The following ZNF518A variants were observed in gnomAD, a reference collection of about 807,000 sequenced individuals.
ZNF518A encodes the protein zinc finger protein 518.
ZNF518A carries 47 observed loss-of-function variants against 102.7 expected under a neutral mutation model. That is an observed-to-expected ratio of 0.46 (90% CI 0.36 to 0.58). The LOEUF (loss-of-function observed/expected upper bound fraction) is 0.58, where lower values mean the gene tolerates loss of function less well. Ranked by LOEUF, ZNF518A falls within the 20% of genes least tolerant of loss-of-function variation. ZNF518A has a pLI of 0.00. For synonymous variants in ZNF518A, 652 were observed against 594.6 expected, an observed-to-expected ratio of 1.10 and a Z score of -1.40; for missense variants, 1,793 against 1,699.8, an observed-to-expected ratio of 1.05 and a Z score of -0.96.
Position 96,160,258 on chromosome 10 carries a change from T to G in ZNF518A, c.3936T>G (p.Phe1312Leu). The change falls in exon 6 of 6, where the codon TTT becomes TTG. Residue 1312 changes from phenylalanine to leucine, a missense_variant. This residue lies in a region of ZNF518A where 1,741 missense variants were observed against 1,622.6 expected (regional missense o/e 1.07). Coordinates refer to ENST00000316045, the MANE Select transcript of ZNF518A (RefSeq NM_001330736.2). ...KAKPEDVRETFGFSRPRLSKD... is the reference protein window; with the variant it reads ...KAKPEDVRETLGFSRPRLSKD... ...AACCTGAAGATGTCCGTGAAACATT[T>G]GGATTTAGCAGACCTAGGCTTTCAA... 6.2e-7 allele frequency: 1 copy of G among 1,613,558 alleles called. No individual in the cohort carries two copies. Among genetic ancestry groups the G allele is most frequent in the Non-Finnish European group, 8.5e-7 (1 of 1,179,674 alleles).
At position 96,156,959 on chromosome 10, in the gene ZNF518A, A is replaced by G; in HGVS notation, c.637A>G (p.Lys213Glu). ...VNGNFQCEKC[K>E]FSTQDVGTFV... ...TGGTAATTTTCAATGTGAAAAGTGTAAGTTCTCCACCCAGGATGTTGGCAC... is the reference window on the plus strand; with the variant it reads ...TGGTAATTTTCAATGTGAAAAGTGTGAGTTCTCCACCCAGGATGTTGGCAC... Residue 213 changes from lysine (K) to glutamate (E), a missense_variant, in exon 6 of 6, where the codon AAG becomes GAG. Coordinates refer to ENST00000316045, the MANE Select transcript of ZNF518A (RefSeq NM_001330736.2). 6.2e-7 allele frequency: 1 copy of G among 1,613,936 alleles called. No individual in the cohort carries two copies. Among genetic ancestry groups the G allele is most frequent in the Non-Finnish European group, 8.5e-7 (1 of 1,179,816 alleles).
chr10:96,137,972 A>G (rs903747512), intron 3 of ZNF518A, among the ~76,000 whole-genome samples: 1 of 152,036 alleles, frequency 6.6e-6, no homozygotes, highest in Non-Finnish European at 1.5e-5. Context: ...GTGAATAGCA[A>G]CTCAGTTCTT....
intron 3 of ZNF518A, among the ~76,000 whole-genome samples, chr10:96,136,582 A>G (rs1011456981): frequency 1.4e-4 from 22 of 151,920 alleles, no homozygotes; most frequent in African/African-American, 5.3e-4. Context: ...CACATTGAGC[A>G]GCTGAGCTGG....
At chr10:96,175,673 A>G (rs587623072) in intron 1 of ZNF518A, among the ~76,000 whole-genome samples, 2 of 152,240 alleles carry the variant, frequency 1.3e-5, no homozygotes, top group East Asian at 3.9e-4. Context: ...CAGTCAGCCA[A>G]CCCAATGGGT....
chr10:96,191,235 C>CTTTTT (rs34920263), intron 1 of ZNF518A, among the ~76,000 whole-genome samples: 24 of 130,252 alleles, frequency 1.8e-4, no homozygotes, highest in East Asian at 1.8e-3. Flanking sequence ...CATTAAACCT[C>CTTTTT]TTTTTTTTTT....
In ZNF518A at chr10:96,162,846, A is replaced by G. The variant is rs988707822; in HGVS notation, c.*2072A>G. 7 of 166,982 alleles carry G rather than the reference A, an allele frequency of 4.2e-5. No homozygotes were observed. Among genetic ancestry groups the G allele is most frequent in the Admixed American group, 6.6e-5 (1 of 15,266 alleles). The allele number at this position is 166,982 out of a possible 1,614,324, so 10.3% of individuals were successfully genotyped here. ...TGCTAGTTAACTCTACAAGATAGAT[A>G]AAAGTGTGGGATTTTTTTTCTTCCC... On this transcript the variant is annotated 3_prime_UTR_variant, in exon 6 of 6. Coordinates refer to ENST00000316045, the MANE Select transcript of ZNF518A (RefSeq NM_001330736.2).
chr10:96,198,338 CA>C (rs587651341), intron 1 of ZNF518A, among the ~76,000 whole-genome samples: 84 of 152,274 alleles, frequency 5.5e-4, no homozygotes, highest in African/African-American at 1.7e-3. Context: ...AATAAGGGAA[CA>C]GAACAACCCT....
At chr10:96,202,389 A>G (rs1241497267) in intron 1 of ZNF518A, among the ~76,000 whole-genome samples, 3 of 152,178 alleles carry the variant, frequency 2.0e-5, no homozygotes, top group African/African-American at 7.2e-5. Context: ...CAGTGGAAGC[A>G]GTGAGAGTGG....
In ZNF518A at chr10:96,158,415, C is replaced by T. The variant is rs1260097693; in HGVS notation, c.2093C>T (p.Ala698Val). The change falls in exon 6 of 6, where the codon GCA (alanine) becomes GTA (valine). Residue 698 changes from alanine to valine, a missense_variant. This residue lies in a region of ZNF518A where 1,741 missense variants were observed against 1,622.6 expected (regional missense o/e 1.07). Coordinates refer to ENST00000316045, the MANE Select transcript of ZNF518A (RefSeq NM_001330736.2). Reference protein sequence around the residue: ...QESSKPDSLLASISLLNDKDG... With the variant: ...QESSKPDSLLVSISLLNDKDG... ...AGCTCAAAACCAGATAGCCTATTAG[C>T]ATCTATTAGCCTTTTAAATGATAAA... 1 of 1,613,270 alleles carries T rather than the reference C, an allele frequency of 6.2e-7. No homozygotes were observed. The highest frequency in any genetic ancestry group is 8.5e-7 in the Non-Finnish European group (1 of 1,179,714).
In ZNF518A at chr10:96,190,188, G is replaced by A. The variant is rs1196772203; in HGVS notation, n.36-13386G>A. On this transcript the variant is annotated intron_variant and non_coding_transcript_variant, in intron 1 of 2. Transcript: ENST00000442635. ...TGAAAAGATAGTTCTGGGCCTCAGG[G>A]GGCTCACGTCCATGTCCATCGAATC... 5 of 793,276 alleles carry A rather than the reference G, an allele frequency of 6.3e-6. No individual in the cohort carries two copies. In the African/African-American group the frequency reaches 8.4e-5, roughly 13 times the overall value. 49.1% of individuals were successfully genotyped at this position (793,276 alleles called of 1,614,324 possible).
intron 3 of ZNF518A, among the ~76,000 whole-genome samples, chr10:96,142,346 G>C (rs1285423439): frequency 7.2e-6 from 1 of 138,426 alleles, no homozygotes; most frequent in South Asian, 2.3e-4. Flanking sequence ...GTGTGTGTGT[G>C]TGTGTGTGTT....
chr10:96,203,251 T>A (rs1214053200), intron 1 of ZNF518A, among the ~76,000 whole-genome samples: 1 of 152,184 alleles, frequency 6.6e-6, no homozygotes, highest in African/African-American at 2.4e-5. Context: ...AAAAATAAAT[T>A]TCTGTAGCCA....
upstream of ZNF518A, chr10:96,129,897 A>G (rs1252445897): frequency 2.0e-5 from 3 of 152,494 alleles, no homozygotes; most frequent in Non-Finnish European, 2.9e-5. Context: ...GCCGCGCGCT[A>G]GATGGAGAGG....
At chr10:96,155,014 A>T (rs2082630668) in intron 3 of ZNF518A, among the ~76,000 whole-genome samples, 1 of 152,172 alleles carries the variant, frequency 6.6e-6, no homozygotes, top group African/African-American at 2.4e-5. Flanking sequence ...TGTGATTTAT[A>T]CTATGTTTTG....
chr10:96,142,305 GGTGTGTGTGTGT>G (rs60624825), intron 3 of ZNF518A, among the ~76,000 whole-genome samples: 5,007 of 104,110 alleles, frequency 0.048, 148 homozygotes, highest in African/African-American at 0.087. Flanking sequence ...ATATTCTTAG[GGTGTGTGTGTGT>G]GTGTGTGTGT....
In ZNF518A at chr10:96,159,221, C is replaced by T. The variant is rs369438287; in HGVS notation, c.2899C>T (p.Pro967Ser). The T allele has an allele frequency of 3.1e-6, 5 of 1,613,644 alleles. No homozygotes were observed. In the South Asian group the frequency reaches 4.4e-5, roughly 14 times the overall value. ...ALPLVNSQGI[P>S]ASLFVNKKPG... ...TCCATTGGTTAATTCACAAGGTATC[C>T]CTGCTTCTCTTTTTGTAAACAAGAA... Residue 967 changes from proline (P) to serine (S), a missense_variant, in exon 6 of 6, where the codon CCT (proline) becomes TCT (serine). Physicochemically the swap from Pro to Ser is moderately conservative, Grantham distance 74. This residue lies in a region of ZNF518A where 1,741 missense variants were observed against 1,622.6 expected (regional missense o/e 1.07). Coordinates refer to ENST00000316045, the MANE Select transcript of ZNF518A (RefSeq NM_001330736.2).
chr10:96,134,241 GTTTT>G (rs2081487307), intron 3 of ZNF518A, among the ~76,000 whole-genome samples: 1 of 151,978 alleles, frequency 6.6e-6, no homozygotes, highest in African/African-American at 2.4e-5. Context: ...GTTTTGTTTT[GTTTT>G]TTTGAGACGG....
At chr10:96,203,778 T>C (rs1465335015) in intron 2 of ZNF518A, 1 of 191,908 alleles carries the variant, frequency 5.2e-6, no homozygotes, top group African/African-American at 4.1e-5. Context: ...CTGTATTGTT[T>C]TTGTAAAAAA....
At chr10:96,201,097 A>C in intron 1 of ZNF518A, 1 of 1,559,380 alleles carries the variant, frequency 6.4e-7, no homozygotes, top group Non-Finnish European at 8.8e-7. Flanking sequence ...TAATCTTCAT[A>C]TTTCTTGAAC....
Sources: gnomAD v4.1 joint callset for allele counts (sites outside exome capture counted in the v4.1 genomes callset) on GRCh38, gnomAD v4.1.1 for gene constraint, gnomAD v4.1.1 regional missense constraint, MANE v1.5 for transcripts, NCBI Gene and HGNC (gene_info 2026-07-23, HGNC 2026-07-21) for gene names.